TAFA1: variants seen among roughly 807,000 people sequenced by gnomAD.
TAFA1 encodes the protein TAFA chemokine like family member 1.
In TAFA1, 4 loss-of-function variants were observed where a neutral mutation model predicts 18.5. That is an observed-to-expected ratio of 0.22 (90% CI 0.11 to 0.49). TAFA1 has a LOEUF of 0.49. TAFA1 is among the 20% of genes least tolerant of loss of function. The pLI, the probability that TAFA1 is intolerant of heterozygous loss-of-function variation, is 0.98. For synonymous variants in TAFA1, 56 were observed against 55.2 expected (o/e 1.01, Z -0.06); for missense variants, 147 against 169.0 (o/e 0.87, Z 0.72).
chr3:68,487,300 T>C (rs1410777192), intron 3 of TAFA1, among the ~76,000 whole-genome samples: 2 of 152,204 alleles, frequency 1.3e-5, no homozygotes, highest in African/African-American at 4.8e-5. Flanking sequence ...ATTTCTTTTA[T>C]TATTTAAAAG....
At chr3:68,334,718 CTA>C in intron 2 of TAFA1, among the ~76,000 whole-genome samples, 1 of 152,178 alleles carries the variant, frequency 6.6e-6, no homozygotes, top group East Asian at 1.9e-4. Flanking sequence ...GACACTCGTG[CTA>C]TATGTCTCAC....
At chr3:68,282,654 T>C (rs2067920367) in intron 2 of TAFA1, among the ~76,000 whole-genome samples, 2 of 152,142 alleles carry the variant, frequency 1.3e-5, no homozygotes, top group South Asian at 4.1e-4. Context: ...ATCGTCTGAG[T>C]ATCATAGCAA....
intron 3 of TAFA1, among the ~76,000 whole-genome samples, chr3:68,528,217 T>C (rs959292056): frequency 6.6e-6 from 1 of 152,216 alleles, no homozygotes; most frequent in Non-Finnish European, 1.5e-5. Flanking sequence ...TTAGGCATTA[T>C]GGTAAGTGCC....
intron 3 of TAFA1, among the ~76,000 whole-genome samples, chr3:68,537,451 G>T (rs1297106499): frequency 6.6e-6 from 1 of 152,158 alleles, no homozygotes; most frequent in South Asian, 2.1e-4. Context: ...GGCAAGACAG[G>T]TTAGGGAAGG....
chr3:68,466,491 A>G (rs935975160), intron 3 of TAFA1, among the ~76,000 whole-genome samples: 4 of 152,094 alleles, frequency 2.6e-5, no homozygotes, highest in African/African-American at 7.2e-5. Flanking sequence ...CCACTTTTCA[A>G]GTGTTCAGAG....
chr3:68,498,356 A>C (rs534744758), intron 3 of TAFA1, among the ~76,000 whole-genome samples: 1 of 152,102 alleles, frequency 6.6e-6, no homozygotes, highest in Non-Finnish European at 1.5e-5. Flanking sequence ...TGAATTAGTC[A>C]ATGTCCCCAC....
At chr3:68,024,805 G>GCATACA (rs1704777352) in intron 2 of TAFA1, among the ~76,000 whole-genome samples, 1 of 73,582 alleles carries the variant, frequency 1.4e-5, no homozygotes, top group Non-Finnish European at 2.8e-5. Context: ...TCTCCTTAAT[G>GCATACA]CACACACACA....
At chr3:68,209,113 T>G (rs1490362959) in intron 2 of TAFA1, among the ~76,000 whole-genome samples, 2 of 151,878 alleles carry the variant, frequency 1.3e-5, no homozygotes, top group East Asian at 3.9e-4. Flanking sequence ...TGCAAGGAAA[T>G]GAATTCTGCC....
chr3:68,093,182 G>A (rs1357320905), intron 2 of TAFA1, among the ~76,000 whole-genome samples: 1 of 152,078 alleles, frequency 6.6e-6, no homozygotes, highest in African/African-American at 2.4e-5. Flanking sequence ...ACTGTTACCT[G>A]GGCTCTTCTT....
At chr3:68,363,763 C>G (rs1172364374) in intron 2 of TAFA1, among the ~76,000 whole-genome samples, 1 of 152,122 alleles carries the variant, frequency 6.6e-6, no homozygotes, top group African/African-American at 2.4e-5. Context: ...CCTGGAATAA[C>G]CAATGAAATC....
In TAFA1 at chr3:68,544,913, G is replaced by A. The variant is rs1438992599; in HGVS notation, c.*410G>A. The A allele has an allele frequency of 6.6e-6, 1 of 152,062 alleles. No homozygotes were observed. The highest frequency in any genetic ancestry group is 2.4e-5 in the African/African-American group (1 of 41,402). 9.4% of individuals were successfully genotyped at this position (152,062 alleles called of 1,614,324 possible). ...TGGTGTACCCCTTTGAGTTTTGGAT[G>A]TTTTGTCTGTTTTGCTTTGTTTTGT... On this transcript the variant is annotated 3_prime_UTR_variant, in exon 5 of 5. Transcript: ENST00000478136.
At chr3:67,993,562 A>G in the TAFA1 span, among the ~76,000 whole-genome samples, 4 of 152,190 alleles carry the variant, frequency 2.6e-5, no homozygotes, top group Non-Finnish European at 4.4e-5. Flanking sequence ...ATGCCTGAAA[A>G]TTCCTAATGT....
At chr3:68,098,117 G>C (rs1459528481) in intron 2 of TAFA1, among the ~76,000 whole-genome samples, 1 of 152,158 alleles carries the variant, frequency 6.6e-6, no homozygotes, top group Non-Finnish European at 1.5e-5. Context: ...TCACTGTGCA[G>C]AATTATGTTA....
chr3:68,117,157 CTCT>C (rs534863030), intron 2 of TAFA1, among the ~76,000 whole-genome samples: 2 of 152,156 alleles, frequency 1.3e-5, no homozygotes, highest in South Asian at 2.1e-4. Flanking sequence ...ACACTGTGGT[CTCT>C]TCTTGGAAAC....
At chr3:68,444,941 T>C (rs1471586855) in intron 3 of TAFA1, among the ~76,000 whole-genome samples, 1 of 151,838 alleles carries the variant, frequency 6.6e-6, no homozygotes, top group Non-Finnish European at 1.5e-5. Flanking sequence ...AAAATATTGG[T>C]AGCTGTACTT....
intron 2 of TAFA1, among the ~76,000 whole-genome samples, chr3:68,406,933 T>C (rs2070622667): frequency 6.6e-6 from 1 of 152,244 alleles, no homozygotes; most frequent in South Asian, 2.1e-4. Flanking sequence ...AAGTTATTTC[T>C]GCAGTAGAGT....
At chr3:68,408,476 C>A (rs1410378299) in intron 2 of TAFA1, among the ~76,000 whole-genome samples, 1 of 152,180 alleles carries the variant, frequency 6.6e-6, no homozygotes. Flanking sequence ...TCAAATTCAT[C>A]TTTGTGAACA....
At chr3:68,196,317 C>T (rs561125717) in intron 2 of TAFA1, among the ~76,000 whole-genome samples, 11 of 151,892 alleles carry the variant, frequency 7.2e-5, no homozygotes, top group Admixed American at 3.3e-4. Flanking sequence ...CTCCTGGAAG[C>T]ATTTTCTAAC....
chr3:68,065,878 A>C (rs1017956653), intron 2 of TAFA1, among the ~76,000 whole-genome samples: 1 of 152,076 alleles, frequency 6.6e-6, no homozygotes, highest in Non-Finnish European at 1.5e-5. Flanking sequence ...ATAGAGAAAT[A>C]AATTGTGATA....
Sources: gnomAD v4.1 joint callset for allele counts (sites outside exome capture counted in the v4.1 genomes callset) on GRCh38, gnomAD v4.1.1 for gene constraint, MANE v1.5 for transcripts, NCBI Gene and HGNC (gene_info 2026-07-23, HGNC 2026-07-21) for gene names.